The following CBFA2T2 variants were observed in gnomAD, a reference collection of about 807,000 sequenced individuals.
CBFA2T2 encodes CBFA2/RUNX1 partner transcriptional co-repressor 2, also known as protein CBFA2T2.
In CBFA2T2, 11 loss-of-function variants were observed where a neutral mutation model predicts 62.2. That is an observed-to-expected ratio of 0.18 (90% CI 0.11 to 0.29). The LOEUF (loss-of-function observed/expected upper bound fraction) is 0.29. CBFA2T2 is among the 10% of genes least tolerant of loss of function. The probability of loss-of-function intolerance (pLI) is 1.00; values close to 1 mark genes in which losing one functional copy is unlikely to be tolerated. For synonymous variants in CBFA2T2, 295 were observed against 287.5 expected (o/e 1.03, Z -0.27); for missense variants, 592 against 774.1 (o/e 0.76, Z 2.79).
chr20:33,537,172 C>T (rs1193067579), intron 1 of CBFA2T2, among the ~76,000 whole-genome samples: 1 of 152,228 alleles, frequency 6.6e-6, no homozygotes, highest in African/African-American at 2.4e-5. Flanking sequence ...GCCGAGATCA[C>T]GCCACTGCAT....
intron 1 of CBFA2T2, among the ~76,000 whole-genome samples, chr20:33,525,493 A>G (rs1323249524): frequency 6.6e-6 from 1 of 150,440 alleles, no homozygotes; most frequent in Non-Finnish European, 1.5e-5. Context: ...GCCCTACCCT[A>G]CTTCTTTAAG....
intron 1 of CBFA2T2, among the ~76,000 whole-genome samples, chr20:33,545,283 T>G (rs1332219406): frequency 6.6e-6 from 1 of 152,200 alleles, no homozygotes; most frequent in Non-Finnish European, 1.5e-5. Context: ...TTGATCAGTT[T>G]TTGAAAAATG....
chr20:33,518,262 A>G (rs777123825), intron 1 of CBFA2T2, among the ~76,000 whole-genome samples: 1 of 152,078 alleles, frequency 6.6e-6, no homozygotes, highest in Middle Eastern at 3.4e-3. Context: ...TTTGATTTTA[A>G]TGTCTTACTG....
At chr20:33,592,423 A>G (rs1339718704) in intron 1 of CBFA2T2, among the ~76,000 whole-genome samples, 1 of 147,892 alleles carries the variant, frequency 6.8e-6, no homozygotes, top group Non-Finnish European at 1.5e-5. Context: ...ATAATTATGT[A>G]AAAATTATAT....
rs1371477832 is a variant in CBFA2T2, at chr20:33,645,439, G to A, written c.*793G>A. ...AATGAGGCTCAGTTGTGGATAGTCT[G>A]TTTTCTCTGAGCATGTTGGCCAACT... On this transcript the variant is annotated 3_prime_UTR_variant, in exon 11 of 11. Coordinates refer to ENST00000342704, the MANE Select transcript of CBFA2T2 (RefSeq NM_001032999.3). 1 of 152,192 alleles carries A rather than the reference G, an allele frequency of 6.6e-6. No individual in the cohort carries two copies. 9.4% of individuals were successfully genotyped at this position (152,192 alleles called of 1,614,324 possible). A position where few individuals can be genotyped will look rare whatever the true frequency, so the allele number is the denominator to read the frequency against.
chr20:33,629,421 A>G (rs2016369254), intron 7 of CBFA2T2, among the ~76,000 whole-genome samples: 1 of 152,238 alleles, frequency 6.6e-6, no homozygotes, highest in South Asian at 2.1e-4. Context: ...GGATACAACA[A>G]ATGCTGCTGC....
Position 33,644,797 on chromosome 20 carries a change from C to T in CBFA2T2, c.*151C>T. ...GAGTCCAAGCCTGAATAATAACACC[C>T]CACAGCCTCTCTGTGCACTTGCTGT... On this transcript the variant is annotated 3_prime_UTR_variant, in exon 11 of 11. Coordinates refer to ENST00000342704, the MANE Select transcript of CBFA2T2 (RefSeq NM_001032999.3). 1.3e-6 allele frequency: 1 copy of T among 781,340 alleles called. No homozygotes were observed. The highest frequency in any genetic ancestry group is 2.0e-6 in the Non-Finnish European group (1 of 499,348). 48.4% of individuals were successfully genotyped at this position (781,340 alleles called of 1,614,324 possible).
rs555884677 is a variant in CBFA2T2, at chr20:33,646,129, G to C, written c.*1483G>C. The C allele has an allele frequency of 2.0e-5, 3 of 152,106 alleles. No homozygotes were observed. Among genetic ancestry groups the C allele is most frequent in the Non-Finnish European group, 4.4e-5 (3 of 68,100 alleles). The allele number at this position is 152,106 out of a possible 1,614,324, so 9.4% of individuals were successfully genotyped here. On this transcript the variant is annotated 3_prime_UTR_variant, in exon 11 of 11. Transcript: ENST00000342704. ...AGCAATTCTCCTGCCTCAGCCTCCC[G>C]AGTAGCTGAGATTACAGGCGCCCAC...
Position 33,568,834 on chromosome 20 carries a change from A to G in CBFA2T2, c.35-38122A>G, listed in dbSNP as rs112204750. 2.4e-3 allele frequency among the ~76,000 whole-genome samples: 368 copies of G among 152,234 alleles called. 3 individuals are homozygous for G. The highest frequency in any genetic ancestry group is 8.0e-3 in the African/African-American group (331 of 41,534). ...GATTTCCACCACAACCCCAACCTCT[A>G]TTACTCAAACTATAATACCCTGAAA... On this transcript the variant is annotated intron_variant, in intron 1 of 10. Coordinates refer to ENST00000342704, the MANE Select transcript of CBFA2T2 (RefSeq NM_001032999.3).
At chr20:33,559,776 G>A (rs749911021) in intron 1 of CBFA2T2, among the ~76,000 whole-genome samples, 1 of 152,144 alleles carries the variant, frequency 6.6e-6, no homozygotes, top group Non-Finnish European at 1.5e-5. Flanking sequence ...GTGAGCCATT[G>A]CGCCTGGCCA....
intron 1 of CBFA2T2, among the ~76,000 whole-genome samples, chr20:33,591,790 G>A (rs2146926676): frequency 8.0e-6 from 1 of 124,320 alleles, no homozygotes; most frequent in South Asian, 2.7e-4. Flanking sequence ...TAGTCTTCAG[G>A]TTGCTAAAAT....
Position 33,648,034 on chromosome 20 carries a change from C to T in CBFA2T2, c.*3388C>T, listed in dbSNP as rs538660745. 6.6e-6 allele frequency: 1 copy of T among 152,334 alleles called. No homozygotes were observed. The highest frequency in any genetic ancestry group is 1.5e-5 in the Non-Finnish European group (1 of 68,046). 9.4% of individuals were successfully genotyped at this position (152,334 alleles called of 1,614,324 possible). A position where few individuals can be genotyped will look rare whatever the true frequency, so the allele number is the denominator to read the frequency against. The stretch of plus-strand genomic sequence containing the variant: ...TTGGGGCGGGGTAGGCAGCTAGAGG[C>T]GCAGGAGCGAATCCAGGTTCCTTGC... On this transcript the variant is annotated 3_prime_UTR_variant, in exon 11 of 11. Transcript: ENST00000342704.
chr20:33,551,703 T>C (rs1402861744), intron 1 of CBFA2T2, among the ~76,000 whole-genome samples: 1 of 152,108 alleles, frequency 6.6e-6, no homozygotes, highest in Non-Finnish European at 1.5e-5. Flanking sequence ...GGCTAATTTT[T>C]GTATTTTTAG....
intron 9 of CBFA2T2, chr20:33,639,622 C>T (rs1474206215): frequency 6.6e-6 from 1 of 151,436 alleles, no homozygotes; most frequent in Non-Finnish European, 1.5e-5. Context: ...TGCCTCACCC[C>T]TATAACACTT....
chr20:33,630,003 T>C, intron 8 of CBFA2T2, 89 bp downstream of exon 8: 1 of 1,154,600 alleles, frequency 8.7e-7, no homozygotes, highest in Non-Finnish European at 1.2e-6. Flanking sequence ...TACTTGACTT[T>C]AAAGAAAGGT....
intron 1 of CBFA2T2, among the ~76,000 whole-genome samples, chr20:33,556,634 T>C (rs1480540384): frequency 6.6e-6 from 1 of 152,164 alleles, no homozygotes; most frequent in Non-Finnish European, 1.5e-5. Context: ...AAGGTCTCAC[T>C]ATGTTGCCCA....
At chr20:33,548,549 T>C (rs2012642525) in intron 1 of CBFA2T2, among the ~76,000 whole-genome samples, 1 of 152,152 alleles carries the variant, frequency 6.6e-6, no homozygotes, top group African/African-American at 2.4e-5. Flanking sequence ...TGGCCTGATT[T>C]CTTAATTAGT....
intron 3 of CBFA2T2, among the ~76,000 whole-genome samples, chr20:33,614,025 A>G (rs1353501907): frequency 1.3e-5 from 2 of 152,092 alleles, no homozygotes; most frequent in Non-Finnish European, 2.9e-5. Context: ...TCTACTAAAA[A>G]TACAAAAAAT....
At chr20:33,598,181 A>G (rs1021545856) in intron 1 of CBFA2T2, among the ~76,000 whole-genome samples, 3 of 152,202 alleles carry the variant, frequency 2.0e-5, no homozygotes, top group Admixed American at 2.0e-4. Flanking sequence ...AGTTAGCACC[A>G]TTGTCATTGA....
Sources: allele counts gnomAD v4.1 joint callset (sites outside exome capture counted in the v4.1 genomes callset), GRCh38; gene constraint gnomAD v4.1.1; transcripts MANE v1.5; gene names NCBI Gene and HGNC (gene_info 2026-07-23, HGNC 2026-07-21).